ROR1: variants seen among roughly 807,000 people sequenced by gnomAD.
ROR1 encodes ROR family WNT receptor 1.
In ROR1, 19 loss-of-function variants were observed where a neutral mutation model predicts 78.8. The observed-to-expected ratio is 0.24, with a 90% confidence interval of 0.17 to 0.35. The LOEUF (loss-of-function observed/expected upper bound fraction) is 0.35, where lower values mean the gene tolerates loss of function less well. Among genes scored for constraint, ROR1 ranks in the 10% least tolerant of loss-of-function variants. ROR1 has a pLI of 1.00. For synonymous variants in ROR1, 386 were observed against 433.6 expected (o/e 0.89, Z 1.36); for missense variants, 917 against 1,177.8 (o/e 0.78, Z 3.24).
At chr1:64,043,096 T>C (rs561822229) in intron 2 of ROR1, among the ~76,000 whole-genome samples, 2 of 152,382 alleles carry the variant, frequency 1.3e-5, no homozygotes, top group Non-Finnish European at 2.9e-5. Context: ...GGCAATGGAC[T>C]GCTCAACTCT....
chr1:64,156,811 T>A (rs973634851), intron 7 of ROR1, among the ~76,000 whole-genome samples: 8 of 151,782 alleles, frequency 5.3e-5, no homozygotes, highest in Non-Finnish European at 1.0e-4. Context: ...CCTACCTCCA[T>A]GAAACAAGAG....
chr1:64,061,342 C>T (rs1213211707), intron 4 of ROR1, among the ~76,000 whole-genome samples: 1 of 152,204 alleles, frequency 6.6e-6, no homozygotes. Flanking sequence ...ATCATTTACA[C>T]TTTCCCTTCC....
chr1:64,121,306 C>T (rs578158959), intron 4 of ROR1, among the ~76,000 whole-genome samples: 1 of 151,456 alleles, frequency 6.6e-6, no homozygotes, highest in East Asian at 2.0e-4. Context: ...AGAGGTGGTA[C>T]ACCTTGATCA....
intron 1 of ROR1, among the ~76,000 whole-genome samples, chr1:63,966,843 C>T (rs952535849): frequency 2.0e-5 from 3 of 152,196 alleles, no homozygotes; most frequent in Admixed American, 6.5e-5. Context: ...TTGAACCAAT[C>T]GCTTGAAAAG....
intron 7 of ROR1, among the ~76,000 whole-genome samples, chr1:64,148,196 T>C (rs1214566559): frequency 6.6e-6 from 1 of 152,198 alleles, no homozygotes; most frequent in Non-Finnish European, 1.5e-5. Context: ...GGTTTTATTA[T>C]ACCCAAGAAA....
intron 1 of ROR1, among the ~76,000 whole-genome samples, chr1:63,871,730 G>T (rs1165099272): frequency 6.6e-6 from 1 of 152,212 alleles, no homozygotes; most frequent in African/African-American, 2.4e-5. Context: ...CAAGGTCTCT[G>T]TAGACTTAAC....
intron 4 of ROR1, among the ~76,000 whole-genome samples, chr1:64,071,030 A>G (rs181519101): frequency 6.6e-6 from 1 of 152,360 alleles, no homozygotes; most frequent in Admixed American, 6.5e-5. Context: ...AAATAACAGC[A>G]AGAACAAAGA....
intron 4 of ROR1, among the ~76,000 whole-genome samples, chr1:64,121,477 G>A (rs978700027): frequency 3.3e-5 from 5 of 152,100 alleles, no homozygotes; most frequent in South Asian, 4.1e-4. Context: ...TCCCTCCCCC[G>A]GAATGTAAAC....
intron 4 of ROR1, among the ~76,000 whole-genome samples, chr1:64,084,057 A>G (rs758380399): frequency 6.6e-6 from 1 of 152,234 alleles, no homozygotes; most frequent in Non-Finnish European, 1.5e-5. Context: ...TCCTAGTTCA[A>G]CTATAACTCA....
chr1:63,854,734 A>T (rs1645137935), intron 1 of ROR1, among the ~76,000 whole-genome samples: 1 of 152,220 alleles, frequency 6.6e-6, no homozygotes, highest in South Asian at 2.1e-4. Context: ...GAATGAATAA[A>T]GAAGAAAAAG....
At chr1:63,991,114 G>A (rs1265932662) in intron 1 of ROR1, among the ~76,000 whole-genome samples, 1 of 140,730 alleles carries the variant, frequency 7.1e-6, no homozygotes, top group Non-Finnish European at 1.6e-5. Flanking sequence ...GTTTTGTTTT[G>A]TTTTGTTTTG....
chr1:63,884,811 G>A (rs1454263287), intron 1 of ROR1, among the ~76,000 whole-genome samples: 2 of 151,890 alleles, frequency 1.3e-5, no homozygotes, highest in Non-Finnish European at 2.9e-5. Context: ...TCCGGGAAAA[G>A]TGCCTGACTT....
At chr1:63,860,876 A>G (rs1364109599) in intron 1 of ROR1, among the ~76,000 whole-genome samples, 2 of 152,148 alleles carry the variant, frequency 1.3e-5, no homozygotes, top group African/African-American at 4.8e-5. Context: ...TGAGTAAAAG[A>G]AATAGACATG....
intron 1 of ROR1, among the ~76,000 whole-genome samples, chr1:63,923,249 ACT>A (rs1204096344): frequency 2.6e-5 from 4 of 152,102 alleles, no homozygotes; most frequent in Non-Finnish European, 4.4e-5. Flanking sequence ...CTTCCTTGTA[ACT>A]CTGGAACAGG....
Position 64,179,062 on chromosome 1 carries a change from A to T in ROR1, c.*207A>T, listed in dbSNP as rs906403989. 6.5e-5 allele frequency: 34 copies of T among 525,766 alleles called. No homozygotes were observed. The South Asian group carries it at 7.3e-4, about 11-fold the overall frequency. 32.6% of individuals were successfully genotyped at this position (525,766 alleles called of 1,614,324 possible). A position where few individuals can be genotyped will look rare whatever the true frequency, so the allele number is the denominator to read the frequency against. Reference sequence around the variant, plus strand: ...AAAAAAAAAACAAGCAAACAAAAACATTGTGGGATGTGCACTCCATTGGAG... The same window carrying T: ...AAAAAAAAAACAAGCAAACAAAAACTTTGTGGGATGTGCACTCCATTGGAG... On this transcript the variant is annotated 3_prime_UTR_variant, in exon 9 of 9. Transcript: ENST00000371079.
At chr1:64,079,541 G>T (rs1183848452) in intron 4 of ROR1, among the ~76,000 whole-genome samples, 1 of 150,116 alleles carries the variant, frequency 6.7e-6, no homozygotes, top group Non-Finnish European at 1.5e-5. Context: ...GCGCAGTCTC[G>T]GCTCACTGCA....
chr1:64,140,508 A>G (rs1649275881), intron 6 of ROR1, 82 bp downstream of exon 6: 10 of 1,292,426 alleles, frequency 7.7e-6, no homozygotes. Context: ...CTTGACCCAT[A>G]GTGATTTTCA....
intron 1 of ROR1, among the ~76,000 whole-genome samples, chr1:63,845,170 A>G (rs1645073340): frequency 2.0e-5 from 3 of 152,224 alleles, no homozygotes; most frequent in South Asian, 4.1e-4. Flanking sequence ...TTCTACATAT[A>G]TTTATAGACT....
intron 1 of ROR1, among the ~76,000 whole-genome samples, chr1:63,841,785 A>G (rs1018681011): frequency 3.9e-5 from 6 of 152,216 alleles, no homozygotes; most frequent in African/African-American, 1.2e-4. Flanking sequence ...GGGTTTAAGG[A>G]TGAATATGAT....
Sources: allele counts gnomAD v4.1 joint callset (sites outside exome capture counted in the v4.1 genomes callset), GRCh38; gene constraint gnomAD v4.1.1; transcripts MANE v1.5; gene names NCBI Gene and HGNC (gene_info 2026-07-23, HGNC 2026-07-21).